CDH7: variants seen among roughly 807,000 people sequenced by gnomAD.
CDH7 encodes the protein cadherin-7.
A neutral mutation model predicts 71.8 loss-of-function variants in CDH7; 25 were observed. The observed-to-expected ratio is 0.35, with a 90% confidence interval of 0.25 to 0.49. CDH7 has a LOEUF of 0.49. Among genes scored for constraint, CDH7 ranks in the 20% least tolerant of loss-of-function variants. The probability of loss-of-function intolerance (pLI) is 0.99; values close to 1 mark genes in which losing one functional copy is unlikely to be tolerated. For missense variants in CDH7, 862 were observed against 974.6 expected (o/e 0.88, Z 1.54); for synonymous variants, 381 against 363.8 (o/e 1.05, Z -0.54).
At chr18:65,766,950 C>T (rs1916393246) in intron 2 of CDH7, among the ~76,000 whole-genome samples, 1 of 144,708 alleles carries the variant, frequency 6.9e-6, no homozygotes, top group African/African-American at 2.5e-5. Context: ...GCCTCTGTTC[C>T]AGGTATTAAG....
At chr18:65,844,114 C>T (rs1912844633) in intron 7 of CDH7, 49 bp downstream of exon 7, 1 of 1,541,442 alleles carries the variant, frequency 6.5e-7, no homozygotes, top group African/African-American at 1.4e-5. Context: ...ACAATGCATT[C>T]TTGTTCACAA....
chr18:65,791,242 G>A (rs1357259509), intron 2 of CDH7, among the ~76,000 whole-genome samples: 1 of 152,162 alleles, frequency 6.6e-6, no homozygotes, highest in African/African-American at 2.4e-5. Context: ...GTGCATGTTT[G>A]TGTATGTTAC....
At chr18:65,793,914 G>T (rs550763561) in intron 2 of CDH7, among the ~76,000 whole-genome samples, 1 of 152,170 alleles carries the variant, frequency 6.6e-6, no homozygotes, top group East Asian at 1.9e-4. Flanking sequence ...TGCAGAATAT[G>T]AATAATTTTG....
chr18:65,776,839 T>G (rs1942830), intron 2 of CDH7, among the ~76,000 whole-genome samples: 1 of 151,958 alleles, frequency 6.6e-6, no homozygotes, highest in Non-Finnish European at 1.5e-5. Context: ...TCAAAATTAA[T>G]AGATTGCATT....
rs1174446577 is a variant in CDH7 at position 65,881,754 on chromosome 18, A to G, written c.*860A>G. ...AAATTCAGGTCCATCATACTGCCTC[A>G]TAGTATTAAACTCATCAGAACATGC... On this transcript the variant is annotated 3_prime_UTR_variant, in exon 12 of 12. Transcript: ENST00000397968. The G allele has an allele frequency of 1.3e-5, 2 of 152,156 alleles. No homozygotes were observed. The highest frequency in any genetic ancestry group is 2.1e-4 in the South Asian group (1 of 4,828). 9.4% of individuals were successfully genotyped at this position (152,156 alleles called of 1,614,324 possible).
intron 4 of CDH7, among the ~76,000 whole-genome samples, chr18:65,815,368 C>A (rs558598760): frequency 6.6e-6 from 1 of 152,124 alleles, no homozygotes; most frequent in South Asian, 2.1e-4. Flanking sequence ...TCCACGTTTT[C>A]TCTTTTTAAA....
intron 11 of CDH7, among the ~76,000 whole-genome samples, chr18:65,871,231 T>C (rs1311165942): frequency 6.6e-6 from 1 of 152,212 alleles, no homozygotes; most frequent in Non-Finnish European, 1.5e-5. Flanking sequence ...ATGTATGACC[T>C]ATTATTGAAT....
intron 2 of CDH7, among the ~76,000 whole-genome samples, chr18:65,792,474 T>C (rs1404782514): frequency 1.3e-5 from 2 of 152,104 alleles, no homozygotes; most frequent in Non-Finnish European, 2.9e-5. Context: ...GTGTTAGCCA[T>C]TTTACCTTAC....
intron 6 of CDH7, among the ~76,000 whole-genome samples, chr18:65,836,474 C>A (rs1478336216): frequency 6.6e-6 from 1 of 151,944 alleles, no homozygotes; most frequent in Non-Finnish European, 1.5e-5. Flanking sequence ...AAAATAATAT[C>A]TCCTGATATG....
chr18:65,782,114 CTTTCT>C lies in CDH7; in HGVS notation c.210+19065_210+19069del, dbSNP rs1568182544. Among the ~76,000 whole-genome samples, 222 of 47,144 alleles carry C rather than the reference CTTTCT, an allele frequency of 4.7e-3. 3 individuals carry two copies. The highest frequency in any genetic ancestry group is 0.017 in the Middle Eastern group (1 of 60). 30.9% of individuals were successfully genotyped at this position (47,144 alleles called of 152,430 possible). Reference sequence around the variant, plus strand: ...TCCTTCCTTCCTTCCTTCCTTCTTTCTTTCTTTCTTTCTTTCTTTCTTTCTTTCTT... The same window carrying C: ...TCCTTCCTTCCTTCCTTCCTTCTTTCTTCTTTCTTTCTTTCTTTCTTTCTT... On this transcript the variant is annotated intron_variant, in intron 2 of 11. Transcript: ENST00000397968.
chr18:65,832,137 C>T (rs894514161), intron 6 of CDH7, among the ~76,000 whole-genome samples: 4 of 152,042 alleles, frequency 2.6e-5, no homozygotes, highest in African/African-American at 9.7e-5. Flanking sequence ...GCGGACTGTG[C>T]TTGATAATCA....
At chr18:65,814,717 C>G (rs1319398488) in intron 4 of CDH7, 113 bp downstream of exon 4, 3 of 817,296 alleles carry the variant, frequency 3.7e-6, no homozygotes, top group Admixed American at 2.9e-5. Context: ...TTATGCTTCT[C>G]TCAATATGTC....
intron 11 of CDH7, among the ~76,000 whole-genome samples, chr18:65,867,196 C>A (rs1418009557): frequency 1.3e-5 from 2 of 151,932 alleles, no homozygotes; most frequent in Non-Finnish European, 2.9e-5. Context: ...CCACCACGCC[C>A]GGCTAATTGT....
At chr18:65,788,696 C>T (rs1372464191) in intron 2 of CDH7, among the ~76,000 whole-genome samples, 3 of 152,148 alleles carry the variant, frequency 2.0e-5, no homozygotes, top group African/African-American at 7.2e-5. Context: ...GACACTTGTG[C>T]AGTTCAAAGA....
upstream of CDH7, chr18:65,750,638 G>C (rs1012979331): frequency 2.6e-5 from 4 of 152,212 alleles, no homozygotes; most frequent in Admixed American, 6.5e-5. Flanking sequence ...TTTTCCAGTA[G>C]CCCCCACCGG....
chr18:65,823,189 A>G (rs1385967276), intron 5 of CDH7, among the ~76,000 whole-genome samples: 2 of 151,946 alleles, frequency 1.3e-5, no homozygotes, highest in African/African-American at 4.8e-5. Context: ...TTTATCTTAC[A>G]TATTTTTAAT....
intron 2 of CDH7, among the ~76,000 whole-genome samples, chr18:65,787,159 A>G (rs75555030): frequency 0.034 from 5,167 of 152,288 alleles, 287 homozygotes; most frequent in African/African-American, 0.12. Context: ...TTTATGGAAA[A>G]TTATTTATTT....
At chr18:65,863,803 A>G (rs1913665628) in intron 11 of CDH7, 1 of 152,206 alleles carries the variant, frequency 6.6e-6, no homozygotes, top group African/African-American at 2.4e-5. Context: ...ATTTGCAGTA[A>G]CTCAGATTTT....
At chr18:65,826,417 G>T (rs1912133336) in intron 6 of CDH7, among the ~76,000 whole-genome samples, 1 of 151,120 alleles carries the variant, frequency 6.6e-6, no homozygotes, top group Non-Finnish European at 1.5e-5. Flanking sequence ...AACAATGGAA[G>T]AAATGGTAAA....
Sources: gnomAD v4.1 joint callset for allele counts (sites outside exome capture counted in the v4.1 genomes callset) on GRCh38, gnomAD v4.1.1 for gene constraint, MANE v1.5 for transcripts, NCBI Gene and HGNC (gene_info 2026-07-23, HGNC 2026-07-21) for gene names.